The following CSMD2 variants were observed in gnomAD, a reference collection of about 807,000 sequenced individuals.
CSMD2 encodes the protein CUB and sushi domain-containing protein 2.
Under a neutral mutation model 398.5 loss-of-function variants are expected in CSMD2, and 130 were observed. The ratio of observed to expected loss-of-function variants is 0.33; its 90% confidence interval spans 0.28 to 0.38. The LOEUF (loss-of-function observed/expected upper bound fraction) is 0.38, where lower values mean the gene tolerates loss of function less well. CSMD2 is among the 10% of genes least tolerant of loss of function. The probability of loss-of-function intolerance (pLI) is 1.00; values close to 1 mark genes in which losing one functional copy is unlikely to be tolerated. For synonymous variants in CSMD2, 1,828 were observed against 1,908.5 expected, an observed-to-expected ratio of 0.96 and a Z score of 1.10; for missense variants, 3,829 against 4,764.9, an observed-to-expected ratio of 0.80 and a Z score of 5.78.
At chr1:33,595,290 T>G (rs930946170) in intron 44 of CSMD2, among the ~76,000 whole-genome samples, 3 of 152,222 alleles carry the variant, frequency 2.0e-5, no homozygotes, top group African/African-American at 4.8e-5. Context: ...AAGTTAGGTT[T>G]GCCTGGTGTT....
chr1:33,792,840 G>C lies in CSMD2; in HGVS notation c.1447-314C>G, dbSNP rs537735696. Among the ~76,000 whole-genome samples, 25 of 152,290 alleles carry C rather than the reference G, an allele frequency of 1.6e-4. No individual in the cohort carries two copies. In the East Asian group the frequency reaches 4.6e-3, roughly 28 times the overall value. ...TTAGACTCTTTCTTCACGCCTTAAT[G>C]CACAGAAATCCCCATGGGCTTGTTG... On this transcript the variant is annotated intron_variant, in intron 10 of 70. Transcript: ENST00000373381.
At position 34,076,928 on chromosome 1, in the gene CSMD2, A is replaced by AAT. The variant is rs1177320523; in HGVS notation, c.404+12047_404+12048dup. On this transcript the variant is annotated intron_variant, in intron 2 of 70. Transcript: ENST00000373381. ...GCAAAGCAAAAAAAAAAAAAAAAAA[A>AAT]ATATATATATATATATATATATATA... is the stretch of plus-strand genomic sequence containing the variant. Among the ~76,000 whole-genome samples, 451 of 53,568 alleles carry AAT rather than the reference A, an allele frequency of 8.4e-3. 13 individuals carry two copies. Among genetic ancestry groups the AAT allele is most frequent in the Middle Eastern group, 0.011 (1 of 88 alleles). The allele number at this position is 53,568 out of a possible 152,430, so 35.1% of individuals were successfully genotyped here.
intron 48 of CSMD2, 75 bp from the exon 49 acceptor site, chr1:33,577,559 C>T: frequency 8.0e-7 from 1 of 1,244,394 alleles, no homozygotes; most frequent in Non-Finnish European, 1.1e-6. Flanking sequence ...AGGCCCCTTT[C>T]CCTTTCGTCT....
At chr1:34,133,880 C>A (rs1249988889) in intron 1 of CSMD2, among the ~76,000 whole-genome samples, 1 of 151,482 alleles carries the variant, frequency 6.6e-6, no homozygotes, top group African/African-American at 2.4e-5. Flanking sequence ...ACCATCCTGG[C>A]CAACATGGTG....
intron 4 of CSMD2, among the ~76,000 whole-genome samples, chr1:33,927,349 C>T (rs1033635976): frequency 2.6e-5 from 4 of 152,164 alleles, no homozygotes; most frequent in Admixed American, 6.5e-5. Flanking sequence ...CCTATAGTTA[C>T]AGCCACCTAA....
At chr1:33,681,235 TTTTG>T (rs1000111206) in intron 25 of CSMD2, among the ~76,000 whole-genome samples, 2 of 152,102 alleles carry the variant, frequency 1.3e-5, no homozygotes, top group Non-Finnish European at 2.9e-5. Flanking sequence ...TGTTTTATGC[TTTTG>T]TTTATTATAT....
chr1:33,955,180 T>C (rs1645126476), intron 3 of CSMD2, among the ~76,000 whole-genome samples: 1 of 152,196 alleles, frequency 6.6e-6, no homozygotes, highest in South Asian at 2.1e-4. Flanking sequence ...TTATTCATCA[T>C]CAAGGAGCTG....
At position 33,533,733 on chromosome 1, in the gene CSMD2, G is replaced by T; in HGVS notation, c.9991+63C>A. ...CCTGTCATTCAGAGCATTCAAACAT[G>T]ACCCAGATGCCCAGCTGGGGCAAGA... On this transcript the variant is annotated intron_variant, in intron 63 of 70. Coordinates refer to ENST00000373381, the MANE Select transcript of CSMD2 (RefSeq NM_001281956.2). This position sits in a 1 kb window ranked among gnomAD's most constrained non-coding sequence, Gnocchi z 4.2. 1 of 1,047,312 alleles carries T rather than the reference G, an allele frequency of 9.5e-7. No homozygotes were observed. Among genetic ancestry groups the T allele is most frequent in the South Asian group, 1.3e-5 (1 of 76,518 alleles). The allele number at this position is 1,047,312 out of a possible 1,614,324, so 64.9% of individuals were successfully genotyped here. A position where few individuals can be genotyped will look rare whatever the true frequency, so the allele number is the denominator to read the frequency against.
intron 3 of CSMD2, among the ~76,000 whole-genome samples, chr1:33,965,375 A>T (rs1349967994): frequency 6.6e-6 from 1 of 152,200 alleles, no homozygotes. Context: ...GAACAAATGC[A>T]TGCCACACTT....
At chr1:34,039,163 C>T (rs993959794) in intron 2 of CSMD2, among the ~76,000 whole-genome samples, 4 of 152,198 alleles carry the variant, frequency 2.6e-5, no homozygotes, top group African/African-American at 9.7e-5. Flanking sequence ...TTCCAGCTTT[C>T]CTTCTAGACA....
intron 5 of CSMD2, among the ~76,000 whole-genome samples, chr1:33,894,150 G>A (rs58835615): frequency 0.024 from 3,652 of 152,260 alleles, 158 homozygotes; most frequent in African/African-American, 0.082. Context: ...GCTCCCCAAG[G>A]CTGAAGGGAA....
At chr1:34,127,606 C>T (rs1662877611) in intron 1 of CSMD2, among the ~76,000 whole-genome samples, 1 of 152,086 alleles carries the variant, frequency 6.6e-6, no homozygotes, top group Non-Finnish European at 1.5e-5. Context: ...GGTAGTCATC[C>T]TGTGATGGAA....
At chr1:33,681,166 C>T (rs1384201906) in intron 25 of CSMD2, among the ~76,000 whole-genome samples, 4 of 152,016 alleles carry the variant, frequency 2.6e-5, no homozygotes, top group African/African-American at 9.7e-5. Flanking sequence ...TCAAGTGATT[C>T]ACCTCCCTCA....
At chr1:33,749,429 T>G (rs1647902256) in intron 13 of CSMD2, among the ~76,000 whole-genome samples, 1 of 152,118 alleles carries the variant, frequency 6.6e-6, no homozygotes, top group South Asian at 2.1e-4. Flanking sequence ...ATGATGATAC[T>G]AGACCAAAGC....
At chr1:33,647,617 G>C (rs1323877176) in intron 28 of CSMD2, among the ~76,000 whole-genome samples, 1 of 152,124 alleles carries the variant, frequency 6.6e-6, no homozygotes, top group Non-Finnish European at 1.5e-5. Flanking sequence ...CTAATGTGAG[G>C]CATTAAGAAG....
chr1:34,061,371 T>A (rs2148263002), intron 2 of CSMD2, among the ~76,000 whole-genome samples: 1 of 152,286 alleles, frequency 6.6e-6, no homozygotes. Flanking sequence ...GACTTTGGAT[T>A]GGCCCCGTTT....
At chr1:33,617,075 T>A in intron 38 of CSMD2, 100 bp from the exon 39 acceptor site, 1 of 856,160 alleles carries the variant, frequency 1.2e-6, no homozygotes. Flanking sequence ...GGCCTCATGT[T>A]AAGGAACAAG....
intron 5 of CSMD2, among the ~76,000 whole-genome samples, chr1:33,881,121 T>C (rs894255192): frequency 3.9e-5 from 6 of 152,134 alleles, no homozygotes; most frequent in African/African-American, 1.4e-4. Flanking sequence ...AAAAGAGTTA[T>C]GAGAGAAATA....
intron 5 of CSMD2, among the ~76,000 whole-genome samples, chr1:33,872,330 G>C (rs1448762045): frequency 6.6e-6 from 1 of 152,176 alleles, no homozygotes; most frequent in Non-Finnish European, 1.5e-5. Context: ...TCCCAAGTCA[G>C]CAAAAGGTGC....
Sources: allele counts gnomAD v4.1 joint callset (sites outside exome capture counted in the v4.1 genomes callset), GRCh38; gene constraint gnomAD v4.1.1; non-coding constraint Gnocchi (gnomAD v3.1); transcripts MANE v1.5; gene names NCBI Gene and HGNC (gene_info 2026-07-23, HGNC 2026-07-21).